The following LINGO2 variants were observed in gnomAD, a reference collection of about 807,000 sequenced individuals.
LINGO2 encodes the protein leucine-rich repeat and immunoglobulin-like domain-containing nogo receptor-interacting protein 2.
In LINGO2, 14 loss-of-function variants were observed where a neutral mutation model predicts 30.6. The ratio of observed to expected loss-of-function variants is 0.46; its 90% CI spans 0.30 to 0.72. The LOEUF is 0.72. LINGO2 is among the 30% of genes least tolerant of loss of function. LINGO2 has a pLI of 0.07. For synonymous variants in LINGO2, 317 were observed against 288.5 expected, an observed-to-expected ratio of 1.10 and a Z score of -1.00; for missense variants, 729 against 751.7, an observed-to-expected ratio of 0.97 and a Z score of 0.35.
chr9:28,566,023 TA>T (rs1172462124), intron 1 of LINGO2, among the ~76,000 whole-genome samples: 1 of 152,164 alleles, frequency 6.6e-6, no homozygotes, highest in Admixed American at 6.5e-5. Context: ...TTTTTTCATT[TA>T]CCAGGAGAAA....
chr9:28,405,963 G>A (rs1822494710), intron 2 of LINGO2, among the ~76,000 whole-genome samples: 2 of 152,076 alleles, frequency 1.3e-5, no homozygotes, highest in Non-Finnish European at 1.5e-5. Context: ...AGGTATTAAG[G>A]TACTTTAATT....
the LINGO2 span, among the ~76,000 whole-genome samples, chr9:28,682,488 C>G: frequency 6.6e-6 from 1 of 152,088 alleles, no homozygotes; most frequent in East Asian, 1.9e-4. Flanking sequence ...TTTATTAACA[C>G]AGGATATTGC....
intron 3 of LINGO2, among the ~76,000 whole-genome samples, chr9:28,359,790 T>C (rs1820369334): frequency 6.6e-6 from 1 of 152,212 alleles, no homozygotes; most frequent in Admixed American, 6.5e-5. Context: ...GTAACACTTT[T>C]GTTTAGCCAA....
At chr9:27,966,140 G>A (rs1318116542) in intron 5 of LINGO2, among the ~76,000 whole-genome samples, 1 of 152,046 alleles carries the variant, frequency 6.6e-6, no homozygotes, top group East Asian at 1.9e-4. Flanking sequence ...CTCAACTGAA[G>A]GAAGTACTGA....
chr9:28,304,379 T>C (rs1448163266), intron 3 of LINGO2, among the ~76,000 whole-genome samples: 1 of 151,498 alleles, frequency 6.6e-6, no homozygotes, highest in Non-Finnish European at 1.5e-5. Context: ...ATATACATGA[T>C]ATGTATATAT....
chr9:29,183,783 A>G, the LINGO2 span, among the ~76,000 whole-genome samples: 2 of 150,834 alleles, frequency 1.3e-5, no homozygotes, highest in East Asian at 2.0e-4. Context: ...TTGAGATGCT[A>G]CACAAAGATG....
intron 4 of LINGO2, among the ~76,000 whole-genome samples, chr9:28,177,092 A>G (rs556691352): frequency 6.6e-6 from 1 of 152,346 alleles, no homozygotes; most frequent in Non-Finnish European, 1.5e-5. Flanking sequence ...GTTATTATAG[A>G]AAGATGTGGA....
intron 2 of LINGO2, among the ~76,000 whole-genome samples, chr9:28,430,315 A>G (rs1823611360): frequency 6.6e-6 from 1 of 152,134 alleles, no homozygotes; most frequent in Admixed American, 6.5e-5. Flanking sequence ...CAAAATTTCA[A>G]TCCCAGTCCC....
chr9:28,094,080 T>C (rs1176314668), intron 4 of LINGO2, among the ~76,000 whole-genome samples: 3 of 152,078 alleles, frequency 2.0e-5, no homozygotes, highest in Non-Finnish European at 2.9e-5. Flanking sequence ...AAAGGCCAAA[T>C]GGCCAAATGT....
At chr9:28,433,920 TC>T (rs1823787891) in intron 2 of LINGO2, among the ~76,000 whole-genome samples, 1 of 55,240 alleles carries the variant, frequency 1.8e-5, no homozygotes, top group South Asian at 9.0e-4. Flanking sequence ...ATGTGCTCTC[TC>T]TTTCTCTCTC....
chr9:29,082,853 C>G, the LINGO2 span, among the ~76,000 whole-genome samples: 1 of 152,106 alleles, frequency 6.6e-6, no homozygotes, highest in African/African-American at 2.4e-5. Context: ...CACTGGCCAT[C>G]AGAGAAATGC....
At chr9:28,292,005 A>C (rs1031608657) in intron 4 of LINGO2, among the ~76,000 whole-genome samples, 3 of 151,524 alleles carry the variant, frequency 2.0e-5, no homozygotes, top group Non-Finnish European at 4.4e-5. Flanking sequence ...ACAATGGAAA[A>C]CCATCTTTAA....
chr9:28,789,526 C>CAGCCCAAAGACAGCCCAAA, the LINGO2 span, among the ~76,000 whole-genome samples: 5 of 152,188 alleles, frequency 3.3e-5, no homozygotes, highest in Admixed American at 6.5e-5. Context: ...ATATGTTTTA[C>CAGCCCAAAGACAGCCCAAA]TCTCCCTTTC....
Position 28,438,849 on chromosome 9 carries a change from T to TAA in LINGO2, c.-279+37089_-279+37090dup, listed in dbSNP as rs1554721228. 5.5e-3 allele frequency among the ~76,000 whole-genome samples: 787 copies of TAA among 144,326 alleles called. 4 individuals are homozygous for TAA. Among genetic ancestry groups the TAA allele is most frequent in the African/African-American group, 6.2e-3 (244 of 39,602 alleles). 94.7% of individuals were successfully genotyped at this position (144,326 alleles called of 152,430 possible). ...ATACATATATATATATATATATATA[T>TAA]AATGAGATATATATATTTATACATT... is the stretch of plus-strand genomic sequence containing the variant. On this transcript the variant is annotated intron_variant, in intron 2 of 5. Coordinates refer to ENST00000379992, the Ensembl canonical transcript of LINGO2.
the LINGO2 span, among the ~76,000 whole-genome samples, chr9:29,195,316 T>A: frequency 1.1e-4 from 16 of 151,724 alleles, no homozygotes; most frequent in African/African-American, 3.9e-4. Context: ...TTTGTTATCA[T>A]AAAGAAATCT....
intron 5 of LINGO2, among the ~76,000 whole-genome samples, chr9:28,001,330 T>C (rs1053068275): frequency 6.6e-5 from 10 of 152,316 alleles, no homozygotes; most frequent in Non-Finnish European, 1.0e-4. Context: ...CATTCCTGAA[T>C]AGCAACTGAT....
the LINGO2 span, among the ~76,000 whole-genome samples, chr9:28,798,761 G>T: frequency 2.0e-5 from 3 of 152,012 alleles, no homozygotes; most frequent in Non-Finnish European, 4.4e-5. Flanking sequence ...AGGTTTGTTC[G>T]CTTGCTTCCC....
intron 4 of LINGO2, among the ~76,000 whole-genome samples, chr9:28,026,095 C>T (rs1400796909): frequency 6.6e-6 from 1 of 152,130 alleles, no homozygotes; most frequent in Non-Finnish European, 1.5e-5. Flanking sequence ...CAACTGTTTG[C>T]TTTTACCTAA....
chr9:28,893,883 T>C, the LINGO2 span, among the ~76,000 whole-genome samples: 3 of 151,960 alleles, frequency 2.0e-5, no homozygotes, highest in East Asian at 5.8e-4. Context: ...GTATATCTCC[T>C]AATGCTATCC....
Sources: gnomAD v4.1 joint callset for allele counts (sites outside exome capture counted in the v4.1 genomes callset) on GRCh38, gnomAD v4.1.1 for gene constraint, MANE v1.5 for transcripts, NCBI Gene and HGNC (gene_info 2026-07-23, HGNC 2026-07-21) for gene names.